Variants in CYP2U1 observed in about 807,000 individuals in gnomAD.
CYP2U1 encodes the protein cytochrome P450 2U1.
A neutral mutation model predicts 42.8 loss-of-function variants in CYP2U1; 28 were observed. The observed-to-expected ratio is 0.65, with a 90% CI of 0.48 to 0.90. CYP2U1 has a LOEUF of 0.90. Among genes scored for constraint, CYP2U1 ranks in the 40% least tolerant of loss-of-function variants. The probability of loss-of-function intolerance (pLI) is 0.00; values close to 1 mark genes in which losing one functional copy is unlikely to be tolerated. For synonymous variants in CYP2U1, 296 were observed against 278.9 expected (o/e 1.06, Z -0.61); for missense variants, 642 against 693.8 (o/e 0.93, Z 0.84).
At position 107,945,460 on chromosome 4, in the gene CYP2U1, G is replaced by A. The variant is rs1413818033; in HGVS notation, c.981G>A (p.Glu327=). 1 of 1,614,090 alleles carries A rather than the reference G, an allele frequency of 6.2e-7. No individual in the cohort carries two copies. The highest frequency in any genetic ancestry group is 1.1e-5 in the South Asian group (1 of 91,082). Residue 327 remains glutamate (E), a synonymous_variant, in exon 2 of 5, where the codon GAG becomes GAA. Transcript: ENST00000332884. ...ACATGTACCTTCTCCACATGGAAGAGGAGAGGAAAAATAATAGTAACAGCA... is the reference window on the plus strand; with the variant it reads ...ACATGTACCTTCTCCACATGGAAGAAGAGAGGAAAAATAATAGTAACAGCA... ...FIDMYLLHME[E]ERKNNSNSSF... is the part of the protein sequence containing the mutation.
chr4:107,933,458 G>T (rs1324173715), intron 1 of CYP2U1, among the ~76,000 whole-genome samples: 2 of 152,216 alleles, frequency 1.3e-5, no homozygotes, highest in Non-Finnish European at 2.9e-5. Context: ...AGTGGATGAG[G>T]TGTGAACTGT....
Position 107,933,881 on chromosome 4 carries a change from G to A in CYP2U1, c.490+1748G>A, listed in dbSNP as rs1013567949. ...GTACAGATGTGTTTTTTTGATCTGCGGTTGGTGGAACCAACAGATGTGGAA... is the reference window on the plus strand; with the variant it reads ...GTACAGATGTGTTTTTTTGATCTGCAGTTGGTGGAACCAACAGATGTGGAA... On this transcript the variant is annotated intron_variant, in intron 1 of 4. Coordinates refer to ENST00000332884, the MANE Select transcript of CYP2U1 (RefSeq NM_183075.3). 5.3e-5 allele frequency among the ~76,000 whole-genome samples: 8 copies of A among 152,048 alleles called. 1 individual carries two copies. Among genetic ancestry groups the A allele is most frequent in the Admixed American group, 5.2e-4 (8 of 15,254 alleles).
Position 107,949,278 on chromosome 4 carries a change from GATA to G in CYP2U1, c.1289-69_1289-67del. ...GGTATATAACTACATTTTTTTTTCAGATAATGATGTTCAGGGAGAACTACTAGT... is the reference window on the plus strand; with the variant it reads ...GGTATATAACTACATTTTTTTTTCAGATGATGTTCAGGGAGAACTACTAGT... On this transcript the variant is annotated intron_variant, in intron 3 of 4. Transcript: ENST00000332884. 3.7e-6 allele frequency: 5 copies of G among 1,336,402 alleles called. No individual in the cohort carries two copies. In the East Asian group the frequency reaches 1.3e-4, roughly 35 times the overall value. The allele number at this position is 1,336,402 out of a possible 1,614,324, so 82.8% of individuals were successfully genotyped here. A position where few individuals can be genotyped will look rare whatever the true frequency, so the allele number is the denominator to read the frequency against.
At position 107,931,716 on chromosome 4, in the gene CYP2U1, CTGG is replaced by C; in HGVS notation, c.74_76del (p.Leu25_Gly26delinsArg). The stretch of plus-strand genomic sequence containing the variant: ...GCCCGCGCGCCTCCTGCGTGCGCCT[CTGG>C]GGCTGCTGCGGCTGGACCCCAGCGG... On this transcript the variant is annotated inframe_deletion, in exon 1 of 5. Coordinates refer to ENST00000332884, the MANE Select transcript of CYP2U1 (RefSeq NM_183075.3). 1 of 1,391,130 alleles carries C rather than the reference CTGG, an allele frequency of 7.2e-7. No homozygotes were observed. Among genetic ancestry groups the C allele is most frequent in the Non-Finnish European group, 9.2e-7 (1 of 1,082,596 alleles). The allele number at this position is 1,391,130 out of a possible 1,614,324, so 86.2% of individuals were successfully genotyped here. A position where few individuals can be genotyped will look rare whatever the true frequency, so the allele number is the denominator to read the frequency against.
At position 107,950,271 on chromosome 4, in the gene CYP2U1, C is replaced by T. The variant is rs759654099; in HGVS notation, c.1483C>T (p.Leu495=). Residue 495 remains leucine (L), a synonymous_variant, in exon 5 of 5, where the codon CTG becomes TTG. Coordinates refer to ENST00000332884, the MANE Select transcript of CYP2U1 (RefSeq NM_183075.3). Reference sequence around the variant, plus strand: ...GAAGCGGGTGTGTATGGGAGAACAACTGGCAAAGATGGAATTATTCCTAAT... The same window carrying T: ...GAAGCGGGTGTGTATGGGAGAACAATTGGCAAAGATGGAATTATTCCTAAT... ...IGKRVCMGEQ[L]AKMELFLMFV... is the part of the protein sequence containing the mutation. 5 of 1,612,828 alleles carry T rather than the reference C, an allele frequency of 3.1e-6. No individual in the cohort carries two copies. In the East Asian group the frequency reaches 6.7e-5, roughly 22 times the overall value.
At chr4:107,933,752 C>T (rs1181579104) in intron 1 of CYP2U1, among the ~76,000 whole-genome samples, 2 of 152,134 alleles carry the variant, frequency 1.3e-5, no homozygotes, top group African/African-American at 2.4e-5. Context: ...TACTTTAAAT[C>T]ATCTCTAGAT....
At position 107,952,839 on chromosome 4, in the gene CYP2U1, C is replaced by T. The variant is rs542066738; in HGVS notation, c.*2416C>T. ...TTTTTGACTCTACATTCTTTATCTA[C>T]CATACTGCTCTTTTCCTTTTTAGAA... On this transcript the variant is annotated 3_prime_UTR_variant, in exon 5 of 5. Coordinates refer to ENST00000332884, the MANE Select transcript of CYP2U1 (RefSeq NM_183075.3). The T allele has an allele frequency of 4.6e-5, 7 of 152,278 alleles. 1 individual carries two copies. The highest frequency in any genetic ancestry group is 4.1e-4 in the South Asian group (2 of 4,830). The allele number at this position is 152,278 out of a possible 1,614,324, so 9.4% of individuals were successfully genotyped here.
chr4:107,938,452 C>T (rs906803259), intron 1 of CYP2U1: 1 of 152,220 alleles, frequency 6.6e-6, no homozygotes, highest in African/African-American at 2.4e-5. Context: ...AAATAGAGGG[C>T]TTTTCCTTTT....
At chr4:107,936,288 T>C (rs1733264131) in intron 1 of CYP2U1, 1 of 152,252 alleles carries the variant, frequency 6.6e-6, no homozygotes, top group Non-Finnish European at 1.5e-5. Context: ...CAAATGTTTA[T>C]GTATTAGAAA....
intron 3 of CYP2U1, 81 bp from the exon 4 acceptor site, chr4:107,949,269 T>A: frequency 7.6e-7 from 1 of 1,318,904 alleles, no homozygotes; most frequent in East Asian, 2.6e-5. Context: ...TAACTACATT[T>A]TTTTTTCAGA....
intron 3 of CYP2U1, among the ~76,000 whole-genome samples, chr4:107,948,986 A>T (rs1209082354): frequency 2.0e-5 from 3 of 152,096 alleles, no homozygotes; most frequent in South Asian, 4.1e-4. Context: ...GACATAAATG[A>T]CCCTGTAAAC....
Position 107,945,001 on chromosome 4 carries a change from G to A in CYP2U1, c.522G>A (p.Trp174Ter). Reference sequence around the variant, plus strand: ...TGTTTGCACATTATGGTCCCGTCTGGAGACAACAAAGGAAGTTCTCTCATT... The same window carrying A: ...TGTTTGCACATTATGGTCCCGTCTGAAGACAACAAAGGAAGTTCTCTCATT... ...GVVFAHYGPVWRQQRKFSHST... is the reference protein window; with the variant it reads ...GVVFAHYGPV The change falls in exon 2 of 5, where the codon TGG becomes TGA. Residue 174 changes from tryptophan to a stop codon, truncating the protein, a stop_gained. Transcript: ENST00000332884. LOFTEE classifies it high-confidence loss of function. 6.2e-7 allele frequency: 1 copy of A among 1,613,010 alleles called. No individual in the cohort carries two copies. The highest frequency in any genetic ancestry group is 1.3e-5 in the African/African-American group (1 of 74,720).
chr4:107,947,487 T>C lies in CYP2U1; in HGVS notation c.1238T>C (p.Leu413Pro). ...GCCACCATCATGGAAGTGCAGAGGC[T>C]AACTGTGGTGGTGCCGCTTGCCATT... Reference protein sequence around the residue: ...TEATIMEVQRLTVVVPLAIPH... With the variant: ...TEATIMEVQRPTVVVPLAIPH... Residue 413 changes from leucine (L) to proline (P), a missense_variant, in exon 3 of 5, where the codon CTA becomes CCA. Physicochemically the swap from Leu to Pro is moderately conservative, Grantham distance 98. Transcript: ENST00000332884. The C allele has an allele frequency of 6.2e-7, 1 of 1,614,114 alleles. No individual in the cohort carries two copies. Among genetic ancestry groups the C allele is most frequent in the Non-Finnish European group, 8.5e-7 (1 of 1,179,994 alleles).
chr4:107,939,476 C>T (rs1733400164), intron 1 of CYP2U1, among the ~76,000 whole-genome samples: 1 of 152,026 alleles, frequency 6.6e-6, no homozygotes. Context: ...GAAGAACACA[C>T]TCTATCCACA....
Position 107,931,769 on chromosome 4 carries a change from C to T in CYP2U1, c.126C>T (p.Leu42=), listed in dbSNP as rs772721415. Residue 42 remains leucine (L), a synonymous_variant, in exon 1 of 5, where the codon CTC becomes CTT. Coordinates refer to ENST00000332884, the MANE Select transcript of CYP2U1 (RefSeq NM_183075.3). ...GGGGCGCGCTGCTGCTATGCGGCCT[C>T]GTAGCGCTGCTGGGCTGGAGCTGGC... The part of the protein sequence containing the change: ...PSGGALLLCG[L]VALLGWSWLR... 2.0e-6 allele frequency: 3 copies of T among 1,487,196 alleles called. No homozygotes were observed. Among genetic ancestry groups the T allele is most frequent in the Non-Finnish European group, 2.7e-6 (3 of 1,124,992 alleles). 92.1% of individuals were successfully genotyped at this position (1,487,196 alleles called of 1,614,324 possible). A position where few individuals can be genotyped will look rare whatever the true frequency, so the allele number is the denominator to read the frequency against.
chr4:107,950,195 G>T (rs1474306997), intron 4 of CYP2U1, 50 bp from the exon 5 acceptor site: 2 of 1,489,056 alleles, frequency 1.3e-6, no homozygotes. Context: ...TTTGAAATAG[G>T]AGAAGGGATG....
chr4:107,937,927 C>T (rs1019577595), intron 1 of CYP2U1: 2 of 152,090 alleles, frequency 1.3e-5, no homozygotes, highest in Non-Finnish European at 2.9e-5. Context: ...TAAATATTCT[C>T]CTGTAAAGTT....
chr4:107,932,138 G>GC lies in CYP2U1; in HGVS notation c.490+6dup, dbSNP rs776652155. 2 of 1,601,078 alleles carry GC rather than the reference G, an allele frequency of 1.2e-6. No individual in the cohort carries two copies. Among genetic ancestry groups the GC allele is most frequent in the South Asian group, 1.1e-5 (1 of 89,090 alleles). On this transcript the variant is annotated splice_donor_region_variant and intron_variant, in intron 1 of 4. Coordinates refer to ENST00000332884, the MANE Select transcript of CYP2U1 (RefSeq NM_183075.3). ...CCATCGTGACCAAGGAGAAGGGTGAGCGGGAGGTCGTGGGCTGTGGGTACG... is the reference window on the plus strand; with the variant it reads ...CCATCGTGACCAAGGAGAAGGGTGAGCCGGGAGGTCGTGGGCTGTGGGTACG...
rs1733033591 is a variant in CYP2U1 at position 107,932,258 on chromosome 4, C to T, written c.490+125C>T. 4 of 1,422,344 alleles carry T rather than the reference C, an allele frequency of 2.8e-6. No homozygotes were observed. The South Asian group carries it at 4.5e-5, about 16-fold the overall frequency. 88.1% of individuals were successfully genotyped at this position (1,422,344 alleles called of 1,614,324 possible). On this transcript the variant is annotated intron_variant, in intron 1 of 4. Transcript: ENST00000332884. ...CCCCAGGCTGCCTCACACCTGCATC[C>T]TGAACTAACAGGTGATGGTGGTGGC...
Sources: allele counts gnomAD v4.1 joint callset (sites outside exome capture counted in the v4.1 genomes callset), GRCh38; gene constraint gnomAD v4.1.1; transcripts MANE v1.5; gene names NCBI Gene and HGNC (gene_info 2026-07-23, HGNC 2026-07-21).